Variants in B3GNT2 observed in about 807,000 individuals in gnomAD.
B3GNT2 encodes the protein UDP-GlcNAc:betaGal beta-1,3-N-acetylglucosaminyltransferase 2.
A neutral mutation model predicts 27.6 loss-of-function variants in B3GNT2; 12 were observed. That is an observed-to-expected ratio of 0.44 (90% CI 0.28 to 0.71). B3GNT2 has a LOEUF of 0.71. B3GNT2 is among the 30% of genes least tolerant of loss of function. B3GNT2 has a pLI of 0.17. For synonymous variants in B3GNT2, 192 were observed against 189.7 expected, an observed-to-expected ratio of 1.01 and a Z score of -0.10; for missense variants, 413 against 488.5, an observed-to-expected ratio of 0.85 and a Z score of 1.46.
At chr2:62,220,254 G>A (rs1212908222) in intron 1 of B3GNT2, among the ~76,000 whole-genome samples, 2 of 152,240 alleles carry the variant, frequency 1.3e-5, no homozygotes, top group African/African-American at 2.4e-5. Flanking sequence ...CCAGGAATGA[G>A]TGGAGACAGC....
intron 1 of B3GNT2, among the ~76,000 whole-genome samples, chr2:62,216,872 G>T (rs1674585515): frequency 6.6e-6 from 1 of 152,236 alleles, no homozygotes; most frequent in Non-Finnish European, 1.5e-5. Context: ...GTCACTGTCT[G>T]TTTTCACAGC....
Position 62,223,291 on chromosome 2 carries a change from T to C in B3GNT2, c.1071T>C (p.Asp357=), listed in dbSNP as rs908919924. The C allele has an allele frequency of 1.9e-6, 3 of 1,614,076 alleles. No individual in the cohort carries two copies. The highest frequency in any genetic ancestry group is 1.1e-5 in the South Asian group (1 of 91,088). ...AACACAAAGGCTTCAGGACATTTGA[T>C]ATCGAGGAGAAAAACAAAAATAACA... ...PEKHKGFRTF[D]IEEKNKNNIC... is the part of the protein sequence containing the mutation. Residue 357 remains aspartate, a synonymous_variant, in exon 2 of 2, where the codon GAT becomes GAC. Transcript: ENST00000301998.
intron 1 of B3GNT2, among the ~76,000 whole-genome samples, chr2:62,197,584 C>T (rs968190486): frequency 1.3e-5 from 2 of 152,350 alleles, no homozygotes; most frequent in African/African-American, 4.8e-5. Context: ...TATTCTTTTG[C>T]CCTTCTCTTG....
intron 1 of B3GNT2, among the ~76,000 whole-genome samples, chr2:62,219,519 C>T (rs1332784000): frequency 1.3e-5 from 2 of 152,144 alleles, no homozygotes; most frequent in East Asian, 1.9e-4. Context: ...AAGTGATCTG[C>T]CCACCTCGGC....
intron 1 of B3GNT2, among the ~76,000 whole-genome samples, chr2:62,202,808 G>A (rs1674294634): frequency 6.6e-6 from 1 of 152,140 alleles, no homozygotes; most frequent in South Asian, 2.1e-4. Context: ...TTCTTCAGAG[G>A]AAAGCCAGAG....
rs566159500 is a variant in B3GNT2 at position 62,218,687 on chromosome 2, C to T, written c.-9-3525C>T. On this transcript the variant is annotated intron_variant, in intron 1 of 1. Transcript: ENST00000301998. ...AGGTGGTCTTGTCTAAGCCTTGTCACGTAACTCTTCCATAATATTCAGGCA... is the reference window on the plus strand; with the variant it reads ...AGGTGGTCTTGTCTAAGCCTTGTCATGTAACTCTTCCATAATATTCAGGCA... Among the ~76,000 whole-genome samples the T allele has an allele frequency of 2.0e-5, 3 of 152,308 alleles. No individual in the cohort carries two copies. In the South Asian group the frequency reaches 6.2e-4, roughly 32 times the overall value.
At chr2:62,199,971 C>T (rs569236219) in intron 1 of B3GNT2, among the ~76,000 whole-genome samples, 58 of 152,294 alleles carry the variant, frequency 3.8e-4, no homozygotes, top group African/African-American at 1.3e-3. Flanking sequence ...AGGCTGGAAC[C>T]TGTTACTTGA....
Position 62,196,162 on chromosome 2 carries a change from C to G in B3GNT2, c.-203C>G. On this transcript the variant is annotated 5_prime_UTR_variant, in exon 1 of 2. Transcript: ENST00000301998. ...CAGCGGCAGCAGCGGCAACAAGTGC[C>G]GGAGGCTAGCAGAGCCAAGCCGGAG... 1 of 151,838 alleles carries G rather than the reference C, an allele frequency of 6.6e-6. No homozygotes were observed. The highest frequency in any genetic ancestry group is 3.4e-3 in the Middle Eastern group (1 of 292). The allele number at this position is 151,838 out of a possible 1,614,324, so 9.4% of individuals were successfully genotyped here. A position where few individuals can be genotyped will look rare whatever the true frequency, so the allele number is the denominator to read the frequency against.
At chr2:62,206,624 G>A (rs1015381152) in intron 1 of B3GNT2, among the ~76,000 whole-genome samples, 3 of 152,114 alleles carry the variant, frequency 2.0e-5, no homozygotes, top group Admixed American at 6.5e-5. Context: ...GGCTGGCCTC[G>A]AGTGATCCTC....
chr2:62,223,294 C>T lies in B3GNT2; in HGVS notation c.1074C>T (p.Ile358=), dbSNP rs780784247. ...EKHKGFRTFD[I]EEKNKNNICS... is the part of the protein sequence containing the mutation. ...ACAAAGGCTTCAGGACATTTGATAT[C>T]GAGGAGAAAAACAAAAATAACATCT... The change falls in exon 2 of 2, where the codon ATC becomes ATT. Residue 358 remains isoleucine (I), a synonymous_variant. Transcript: ENST00000301998. The T allele has an allele frequency of 6.2e-6, 10 of 1,614,014 alleles. No homozygotes were observed. The highest frequency in any genetic ancestry group is 1.7e-5 in the Admixed American group (1 of 59,994).
intron 1 of B3GNT2, among the ~76,000 whole-genome samples, chr2:62,198,479 A>G (rs1349272009): frequency 6.6e-6 from 1 of 152,234 alleles, no homozygotes; most frequent in Non-Finnish European, 1.5e-5. Context: ...CAAAAACAGT[A>G]ACCCTGTGGT....
chr2:62,222,252 T>C lies in B3GNT2; in HGVS notation c.32T>C (p.Leu11Ser). 6.2e-7 allele frequency: 1 copy of C among 1,610,628 alleles called. No homozygotes were observed. The highest frequency in any genetic ancestry group is 8.5e-7 in the Non-Finnish European group (1 of 1,178,808). Residue 11 changes from leucine (L) to serine (S), a missense_variant, in exon 2 of 2, where the codon TTG becomes TCG. Physicochemically the swap from Leu to Ser is moderately radical, Grantham distance 145 (BLOSUM62 -2). Coordinates refer to ENST00000301998, the MANE Select transcript of B3GNT2 (RefSeq NM_006577.6). This position sits in a 1 kb window ranked among gnomAD's most constrained non-coding sequence, Gnocchi z 4.2. ...GTTGGACGTCGAAGAATAAAGTTGT[T>C]GGGTATCCTGATGATGGCAAATGTC... is the stretch of plus-strand genomic sequence containing the variant. MSVGRRRIKL[L>S]GILMMANVFI...
intron 1 of B3GNT2, among the ~76,000 whole-genome samples, chr2:62,201,033 C>T (rs1416268115): frequency 2.0e-5 from 3 of 152,188 alleles, no homozygotes; most frequent in Admixed American, 6.5e-5. Context: ...TAATATAAAG[C>T]TACACCTAGA....
At chr2:62,208,233 T>C (rs1674415780) in intron 1 of B3GNT2, among the ~76,000 whole-genome samples, 1 of 106,372 alleles carries the variant, frequency 9.4e-6, no homozygotes, top group Admixed American at 1.1e-4. Flanking sequence ...TCCCCCTTCC[T>C]TCCCCCCCAA....
Position 62,223,174 on chromosome 2 carries a change from G to C in B3GNT2, c.954G>C (p.Arg318Ser). Reference protein sequence around the residue: ...GFLYSGHLALRLYHITDQVHL... With the variant: ...GFLYSGHLALSLYHITDQVHL... ...TCTACTCCGGCCACCTGGCCCTGAGGCTGTACCATATCACTGACCAGGTCC... is the reference window on the plus strand; with the variant it reads ...TCTACTCCGGCCACCTGGCCCTGAGCCTGTACCATATCACTGACCAGGTCC... The change falls in exon 2 of 2, where the codon AGG becomes AGC. Residue 318 changes from arginine (R) to serine (S), a missense_variant. Transcript: ENST00000301998. 6.2e-7 allele frequency: 1 copy of C among 1,614,160 alleles called. No individual in the cohort carries two copies. Among genetic ancestry groups the C allele is most frequent in the Non-Finnish European group, 8.5e-7 (1 of 1,180,020 alleles).
chr2:62,197,398 A>G lies in B3GNT2; in HGVS notation c.-10+1043A>G, dbSNP rs1231142307. 3.3e-5 allele frequency among the ~76,000 whole-genome samples: 5 copies of G among 152,306 alleles called. No homozygotes were observed. The East Asian group carries it at 7.7e-4, about 24-fold the overall frequency. ...CACAAGTGTCACAGCGTCAAAGCTC[A>G]TCTTTAAAAATATGTACATTTATAA... is the stretch of plus-strand genomic sequence containing the variant. On this transcript the variant is annotated intron_variant, in intron 1 of 1. Coordinates refer to ENST00000301998, the MANE Select transcript of B3GNT2 (RefSeq NM_006577.6).
At chr2:62,216,800 T>C (rs1486834572) in intron 1 of B3GNT2, among the ~76,000 whole-genome samples, 1 of 152,204 alleles carries the variant, frequency 6.6e-6, no homozygotes, top group Non-Finnish European at 1.5e-5. Context: ...AAAAACAGCC[T>C]CTTAGCTAAG....
rs1430439056 is a variant in B3GNT2 at position 62,213,920 on chromosome 2, G to T, written c.-9-8292G>T. Among the ~76,000 whole-genome samples, 6 of 152,268 alleles carry T rather than the reference G, an allele frequency of 3.9e-5. No individual in the cohort carries two copies. The East Asian group carries it at 1.2e-3, about 29-fold the overall frequency. ...CAAAGTATCTGTTCCTTTAGCAAAT[G>T]CTGGGTAAGTCTCAGGTACCACGTG... On this transcript the variant is annotated intron_variant, in intron 1 of 1. Coordinates refer to ENST00000301998, the MANE Select transcript of B3GNT2 (RefSeq NM_006577.6).
chr2:62,219,389 T>C (rs189659940), intron 1 of B3GNT2, among the ~76,000 whole-genome samples: 12 of 152,328 alleles, frequency 7.9e-5, no homozygotes, highest in Non-Finnish European at 1.3e-4. Context: ...CTCAGCTCAC[T>C]GCAACCTCAG....
Sources: allele counts gnomAD v4.1 joint callset (sites outside exome capture counted in the v4.1 genomes callset), GRCh38; gene constraint gnomAD v4.1.1; non-coding constraint Gnocchi (gnomAD v3.1); transcripts MANE v1.5; gene names NCBI Gene and HGNC (gene_info 2026-07-23, HGNC 2026-07-21).